The following FAM135A variants were observed in gnomAD, a reference collection of about 807,000 sequenced individuals.
The protein encoded by FAM135A is family with sequence similarity 135 member A, also known as protein FAM135A.
Under a neutral mutation model 146.8 loss-of-function variants are expected in FAM135A, and 79 were observed. That is an observed-to-expected ratio of 0.54 (90% CI 0.45 to 0.65). FAM135A has a LOEUF of 0.65. Ranked by LOEUF, FAM135A falls within the 30% of genes least tolerant of loss-of-function variation. FAM135A has a pLI of 0.00. For missense variants in FAM135A, 1,623 were observed against 1,758.2 expected, an observed-to-expected ratio of 0.92 and a Z score of 1.38; for synonymous variants, 562 against 603.6, an observed-to-expected ratio of 0.93 and a Z score of 1.01.
intron 12 of FAM135A, among the ~76,000 whole-genome samples, chr6:70,521,950 C>G (rs1793679452): frequency 6.6e-6 from 1 of 152,092 alleles, no homozygotes; most frequent in Admixed American, 6.5e-5. Flanking sequence ...GAGTTTCACT[C>G]TTGTCGCCCA....
intron 10 of FAM135A, among the ~76,000 whole-genome samples, chr6:70,487,384 C>T (rs897770565): frequency 2.0e-5 from 3 of 151,842 alleles, no homozygotes; most frequent in Non-Finnish European, 1.5e-5. Context: ...TTTCACTTTG[C>T]GTTCAGTAAA....
intron 5 of FAM135A, among the ~76,000 whole-genome samples, chr6:70,464,649 TC>T (rs1780024888): frequency 6.9e-6 from 1 of 144,760 alleles, no homozygotes; most frequent in African/African-American, 2.6e-5. Context: ...TTTCTTTCTT[TC>T]TTTCTTTCTT....
intron 20 of FAM135A, among the ~76,000 whole-genome samples, chr6:70,542,328 A>G (rs1231642995): frequency 6.7e-6 from 1 of 150,312 alleles, no homozygotes; most frequent in African/African-American, 2.5e-5. Context: ...GCATTTTCTC[A>G]TGCTTTTTGT....
At chr6:70,501,812 A>G (rs539425665) in intron 11 of FAM135A, among the ~76,000 whole-genome samples, 11 of 152,288 alleles carry the variant, frequency 7.2e-5, no homozygotes, top group African/African-American at 2.4e-4. Context: ...ACCAGTGCCA[A>G]TGTGATGAAC....
In FAM135A at chr6:70,540,951, C is replaced by T. The variant is rs74666229; in HGVS notation, c.4228+2550C>T. On this transcript the variant is annotated intron_variant, in intron 20 of 21. Transcript: ENST00000418814. ...AACATCAGGTTTTCACTGCTCCCTT[C>T]ATTTCTCACAGTTAGCTTTGCTTTT... 5.3e-3 allele frequency among the ~76,000 whole-genome samples: 812 copies of T among 152,298 alleles called. 8 individuals carry two copies. Among genetic ancestry groups the T allele is most frequent in the African/African-American group, 0.019 (780 of 41,576 alleles).
intron 20 of FAM135A, among the ~76,000 whole-genome samples, chr6:70,540,634 T>A (rs537065582): frequency 6.6e-6 from 1 of 152,310 alleles, no homozygotes; most frequent in Admixed American, 6.5e-5. Context: ...TAATTCCTGC[T>A]ACATTTTCTT....
intron 16 of FAM135A, 88 bp downstream of exon 16, chr6:70,528,540 TA>T (rs1249209185): frequency 4.1e-6 from 5 of 1,210,384 alleles, no homozygotes; most frequent in Non-Finnish European, 4.4e-6. Context: ...GTCTTTGAAC[TA>T]AAAAAAGATT....
intron 4 of FAM135A, among the ~76,000 whole-genome samples, chr6:70,440,697 T>C (rs112060330): frequency 2.6e-5 from 4 of 152,140 alleles, no homozygotes; most frequent in African/African-American, 9.7e-5. Flanking sequence ...TATAAAAAAT[T>C]AAATAATTCT....
At chr6:70,449,296 C>T (rs74531833) in intron 4 of FAM135A, among the ~76,000 whole-genome samples, 3,777 of 151,986 alleles carry the variant, frequency 0.025, 112 homozygotes, top group African/African-American at 0.068. Context: ...TTGAGATATG[C>T]AGTACATTAT....
chr6:70,454,123 T>C (rs1777743752), intron 5 of FAM135A, among the ~76,000 whole-genome samples: 1 of 151,960 alleles, frequency 6.6e-6, no homozygotes, highest in African/African-American at 2.4e-5. Flanking sequence ...GTGTGACTCA[T>C]TGTGGTTTTG....
chr6:70,446,108 T>C (rs1181946504), intron 4 of FAM135A, among the ~76,000 whole-genome samples: 1 of 152,250 alleles, frequency 6.6e-6, no homozygotes, highest in African/African-American at 2.4e-5. Flanking sequence ...GGCATTAAGG[T>C]CAGGTGTACC....
At position 70,533,966 on chromosome 6, in the gene FAM135A, CAAATT is replaced by C. The variant is rs1205676782; in HGVS notation, c.3965+115_3965+119del. ...TTCTGAAATATAGGAGACTACAACT[CAAATT>C]AATTTATAGTGAAAAAAAGTAAAGA... is the stretch of plus-strand genomic sequence containing the variant. On this transcript the variant is annotated intron_variant, in intron 18 of 21. Transcript: ENST00000418814. The C allele has an allele frequency of 4.1e-5, 18 of 440,086 alleles. 1 individual carries two copies. In the South Asian group the frequency reaches 5.9e-4, roughly 14 times the overall value. The allele number at this position is 440,086 out of a possible 1,614,324, so 27.3% of individuals were successfully genotyped here.
Position 70,469,751 on chromosome 6 carries a change from G to A in FAM135A, c.158-5659G>A, listed in dbSNP as rs1256246114. On this transcript the variant is annotated intron_variant, in intron 5 of 21. Transcript: ENST00000418814. ...CCTGCAAAAAAAAGAGACGAAAAAG[G>A]GGTGGCCCATGAGGTAGGAGTAGAA... 2.0e-5 allele frequency among the ~76,000 whole-genome samples: 3 copies of A among 152,128 alleles called. No homozygotes were observed. In the East Asian group the frequency reaches 5.8e-4, roughly 29 times the overall value.
intron 8 of FAM135A, among the ~76,000 whole-genome samples, chr6:70,477,691 A>G (rs970344596): frequency 1.3e-5 from 2 of 152,158 alleles, no homozygotes; most frequent in African/African-American, 4.8e-5. Flanking sequence ...CCCCTGATCT[A>G]ATCACCTCCC....
chr6:70,509,484 A>G (rs190650779), intron 12 of FAM135A, among the ~76,000 whole-genome samples: 1 of 152,322 alleles, frequency 6.6e-6, no homozygotes, highest in Admixed American at 6.5e-5. Context: ...TCATCTAAAA[A>G]TTGAAAGGAG....
At chr6:70,478,004 T>C (rs1782950352) in intron 8 of FAM135A, among the ~76,000 whole-genome samples, 1 of 152,166 alleles carries the variant, frequency 6.6e-6, no homozygotes, top group Non-Finnish European at 1.5e-5. Context: ...AAACTATAAT[T>C]ACTCTGGAAA....
chr6:70,522,648 C>T, intron 13 of FAM135A, 62 bp downstream of exon 13: 1 of 1,271,740 alleles, frequency 7.9e-7, no homozygotes, highest in South Asian at 1.3e-5. Context: ...ATACCTGTCT[C>T]AGAATTTATC....
At chr6:70,484,657 C>G (rs1215383934) in intron 10 of FAM135A, among the ~76,000 whole-genome samples, 17 of 152,130 alleles carry the variant, frequency 1.1e-4, no homozygotes. Context: ...CTCACACGCA[C>G]AGTTCGCAAT....
At chr6:70,472,810 ATTAGATTC>A (rs1354707729) in intron 5 of FAM135A, among the ~76,000 whole-genome samples, 2 of 152,118 alleles carry the variant, frequency 1.3e-5, no homozygotes, top group Admixed American at 6.5e-5. Context: ...TTTCGTCATG[ATTAGATTC>A]ATTTTATGTG....
Sources: allele counts gnomAD v4.1 joint callset (sites outside exome capture counted in the v4.1 genomes callset), GRCh38; gene constraint gnomAD v4.1.1; transcripts MANE v1.5; gene names NCBI Gene and HGNC (gene_info 2026-07-23, HGNC 2026-07-21).